The following TNRC6C variants were observed in gnomAD, a reference collection of about 807,000 sequenced individuals.
TNRC6C encodes the protein trinucleotide repeat-containing gene 6C protein.
A neutral mutation model predicts 153.7 loss-of-function variants in TNRC6C; 20 were observed. The ratio of observed to expected loss-of-function variants is 0.13; its 90% confidence interval spans 0.09 to 0.19. The LOEUF is 0.19. TNRC6C is among the 10% of genes least tolerant of loss of function. The pLI is 1.00. For synonymous variants in TNRC6C, 811 were observed against 841.4 expected, an observed-to-expected ratio of 0.96 and a Z score of 0.63; for missense variants, 1,987 against 2,172.0, an observed-to-expected ratio of 0.91 and a Z score of 1.69.
At chr17:78,063,952 T>C (rs1174581164) in intron 3 of TNRC6C, among the ~76,000 whole-genome samples, 1 of 152,226 alleles carries the variant, frequency 6.6e-6, no homozygotes, top group Non-Finnish European at 1.5e-5. Flanking sequence ...CCCTACTATG[T>C]TGCAAATGCT....
intron 3 of TNRC6C, among the ~76,000 whole-genome samples, chr17:78,061,932 A>G (rs1472568904): frequency 6.6e-6 from 1 of 152,222 alleles, no homozygotes; most frequent in Non-Finnish European, 1.5e-5. Context: ...AATTTGTAAT[A>G]CCTATTGCCT....
intron 1 of TNRC6C, among the ~76,000 whole-genome samples, chr17:78,028,545 TAGAC>T (rs1229741293): frequency 1.3e-5 from 2 of 152,060 alleles, no homozygotes; most frequent in Non-Finnish European, 2.9e-5. Context: ...TAGTGACAGA[TAGAC>T]AGTGAGGCAA....
At chr17:78,038,923 G>T (rs187180954) in intron 2 of TNRC6C, among the ~76,000 whole-genome samples, 2 of 152,094 alleles carry the variant, frequency 1.3e-5, no homozygotes, top group African/African-American at 2.4e-5. Context: ...CAGCGAGAGT[G>T]TGGGAAAAGG....
intron 1 of TNRC6C, among the ~76,000 whole-genome samples, chr17:77,997,969 A>ATT (rs541655592): frequency 1.2e-4 from 18 of 152,120 alleles, no homozygotes; most frequent in African/African-American, 4.1e-4. Context: ...CCATTTTATA[A>ATT]TTTTTTTAAA....
chr17:78,078,687 G>A (rs1300693024), intron 9 of TNRC6C, among the ~76,000 whole-genome samples: 4 of 152,162 alleles, frequency 2.6e-5, no homozygotes, highest in Admixed American at 6.5e-5. Flanking sequence ...ACTTGGGGCC[G>A]AACGAGGTGG....
chr17:77,999,322 G>T (rs2143136324), upstream of TNRC6C, among the ~76,000 whole-genome samples: 1 of 152,310 alleles, frequency 6.6e-6, no homozygotes, highest in South Asian at 2.1e-4. Flanking sequence ...GGCTGTGATT[G>T]GGGCCCACTC....
At chr17:78,102,571 G>T in intron 18 of TNRC6C, 27 bp downstream of exon 21, 1 of 1,581,802 alleles carries the variant, frequency 6.3e-7, no homozygotes, top group East Asian at 2.3e-5. Flanking sequence ...CTGCATCACT[G>T]AGCATGATCC....
At chr17:78,040,875 G>A (rs1162412204) in intron 2 of TNRC6C, among the ~76,000 whole-genome samples, 1 of 152,156 alleles carries the variant, frequency 6.6e-6, no homozygotes, top group African/African-American at 2.4e-5. Context: ...GGTGCCTCCT[G>A]GAGTAGAAAG....
At chr17:78,043,459 G>A (rs925611550) in intron 2 of TNRC6C, among the ~76,000 whole-genome samples, 4 of 152,214 alleles carry the variant, frequency 2.6e-5, no homozygotes, top group African/African-American at 9.6e-5. Flanking sequence ...TACATAGAAG[G>A]TATATATATT....
At chr17:77,983,240 A>G (rs569089808) in intron 1 of TNRC6C, among the ~76,000 whole-genome samples, 1 of 152,176 alleles carries the variant, frequency 6.6e-6, no homozygotes, top group East Asian at 1.9e-4. Flanking sequence ...TGGAGTTCTT[A>G]TTTTCCAATA....
chr17:78,092,868 T>C, intron 14 of TNRC6C, 65 bp from the exon 17 acceptor site: 1 of 1,468,330 alleles, frequency 6.8e-7, no homozygotes, highest in Non-Finnish European at 9.3e-7. Context: ...AGGCTTAGGG[T>C]ATCTTCTGGT....
chr17:78,050,303 A>T, exon 3 of TNRC6C: 1 of 1,562,920 alleles, frequency 6.4e-7, no homozygotes. Context: ...ACTGGGAGGG[A>T]AGGAACGGGA....
intron 1 of TNRC6C, among the ~76,000 whole-genome samples, chr17:77,970,944 G>A (rs2070935839): frequency 6.6e-6 from 1 of 152,130 alleles, no homozygotes; most frequent in African/African-American, 2.4e-5. Context: ...TGGAGTTCAA[G>A]GTTACAGTGA....
intron 1 of TNRC6C, among the ~76,000 whole-genome samples, chr17:78,030,150 C>CT (rs373605701): frequency 7.4e-5 from 11 of 149,230 alleles, no homozygotes; most frequent in South Asian, 2.1e-4. Flanking sequence ...ATGTGCTAGA[C>CT]TTTTTTTTTT....
intron 1 of TNRC6C, among the ~76,000 whole-genome samples, chr17:78,007,565 C>T (rs1044829154): frequency 2.0e-5 from 3 of 152,192 alleles, no homozygotes; most frequent in African/African-American, 7.2e-5. Flanking sequence ...TCCTAACATT[C>T]TAGCATTTTG....
At position 78,006,530 on chromosome 17, in the gene TNRC6C, T is replaced by C. The variant is rs537072209; in HGVS notation, c.-546+1451T>C. Reference sequence around the variant, plus strand: ...TTCTTCTTCTTCTTCTTCTTCTTCTTCTTCTTCTTCTTCTTCTTCTTCTTC... The same window carrying C: ...TTCTTCTTCTTCTTCTTCTTCTTCTCCTTCTTCTTCTTCTTCTTCTTCTTC... On this transcript the variant is annotated intron_variant, in intron 1 of 19. Transcript: ENST00000301624. 7.9e-3 allele frequency among the ~76,000 whole-genome samples: 1,128 copies of C among 142,474 alleles called. 27 individuals carry two copies. Among genetic ancestry groups the C allele is most frequent in the African/African-American group, 0.029 (1,074 of 36,412 alleles). 93.5% of individuals were successfully genotyped at this position (142,474 alleles called of 152,430 possible). A position where few individuals can be genotyped will look rare whatever the true frequency, so the allele number is the denominator to read the frequency against.
chr17:77,971,103 T>C lies in TNRC6C; in HGVS notation c.-38+11835T>C, dbSNP rs149761327. Among the ~76,000 whole-genome samples, 1,281 of 152,348 alleles carry C rather than the reference T, an allele frequency of 8.4e-3. 10 individuals are homozygous for C. The highest frequency in any genetic ancestry group is 0.014 in the Non-Finnish European group (933 of 68,038). On this transcript the variant is annotated intron_variant, in intron 1 of 22. Transcript: ENST00000636222. ...AGATGTTATAATTTTAGTAAAGATA[T>C]ATGAAATAAGCCTCACATATCCATA...
At chr17:78,038,076 A>G (rs1334002838) in intron 2 of TNRC6C, among the ~76,000 whole-genome samples, 1 of 152,214 alleles carries the variant, frequency 6.6e-6, no homozygotes, top group African/African-American at 2.4e-5. Flanking sequence ...TGCAAGACAA[A>G]TATAAGAACT....
At chr17:77,977,017 A>T (rs577769536) in intron 1 of TNRC6C, among the ~76,000 whole-genome samples, 2 of 151,636 alleles carry the variant, frequency 1.3e-5, no homozygotes, top group Middle Eastern at 3.2e-3. Flanking sequence ...AGAATGCTTA[A>T]CATGTTGCTA....
Sources: gnomAD v4.1 joint callset for allele counts (sites outside exome capture counted in the v4.1 genomes callset) on GRCh38, gnomAD v4.1.1 for gene constraint, MANE v1.5 for transcripts, NCBI Gene and HGNC (gene_info 2026-07-23, HGNC 2026-07-21) for gene names.